The following ANKRD40 variants were observed in gnomAD, a reference collection of about 807,000 sequenced individuals.
The protein encoded by ANKRD40 is ankyrin repeat domain-containing protein 40.
In ANKRD40, 24 loss-of-function variants were observed where a neutral mutation model predicts 35.5. The observed-to-expected ratio is 0.68, with a 90% CI of 0.49 to 0.95. The LOEUF is 0.95. Among genes scored for constraint, ANKRD40 ranks in the 40% least tolerant of loss-of-function variants. The pLI, the probability that ANKRD40 is intolerant of heterozygous loss-of-function variation, is 0.00. For synonymous variants in ANKRD40, 147 were observed against 173.5 expected, an observed-to-expected ratio of 0.85 and a Z score of 1.20; for missense variants, 361 against 436.0, an observed-to-expected ratio of 0.83 and a Z score of 1.53.
chr17:50,703,460 G>C (rs1968292904), intron 1 of ANKRD40, among the ~76,000 whole-genome samples: 1 of 152,202 alleles, frequency 6.6e-6, no homozygotes, highest in Non-Finnish European at 1.5e-5. Flanking sequence ...GGGAATGACA[G>C]AGGTTGGAAA....
At position 50,696,046 on chromosome 17, in the gene ANKRD40, A is replaced by G. The variant is rs1204597270; in HGVS notation, c.1058T>C (p.Leu353Pro). Residue 353 changes from leucine (L) to proline (P), a missense_variant, in exon 5 of 5, where the codon CTG becomes CCG. Leu to Pro is a moderately conservative substitution (Grantham distance 98). Transcript: ENST00000285243. ...NFLFRNAAST[L>P]TERPCYNRRA... is the part of the protein sequence containing the mutation. ...CCTGTTATAGCAAGGCCTTTCAGTC[A>G]GTGTGGATGCAGCATTTCTGAACAG... is the stretch of plus-strand genomic sequence containing the variant. The G allele has an allele frequency of 1.2e-6, 2 of 1,614,258 alleles. No individual in the cohort carries two copies.
At position 50,695,973 on chromosome 17, in the gene ANKRD40, T is replaced by C. The variant is rs1397820055; in HGVS notation, c.*24A>G. The C allele has an allele frequency of 6.2e-7, 1 of 1,613,398 alleles. No homozygotes were observed. The highest frequency in any genetic ancestry group is 1.7e-5 in the Admixed American group (1 of 59,944). ...GAGGTGATGCACACTGTCATAATAC[T>C]CAGTGATAAAAGTCCCTGCTGCATT... On this transcript the variant is annotated 3_prime_UTR_variant, in exon 5 of 5. Transcript: ENST00000285243.
chr17:50,700,446 A>G (rs117765383), intron 2 of ANKRD40, 122 bp downstream of exon 2: 125,280 of 576,068 alleles, frequency 0.22, 7,190 homozygotes, highest in Non-Finnish European at 0.23. Context: ...TCCGTCTCGG[A>G]AAAAAAAAAA....
rs1329622704 is a variant in ANKRD40, at chr17:50,707,266, AAGGGGGT to A, written c.134+248_134+254del. 6.6e-6 allele frequency among the ~76,000 whole-genome samples: 1 copy of A among 151,912 alleles called. No homozygotes were observed. The highest frequency in any genetic ancestry group is 1.5e-5 in the Non-Finnish European group (1 of 67,950). On this transcript the variant is annotated intron_variant, in intron 1 of 4. Transcript: ENST00000285243. This position sits in a 1 kb window ranked among gnomAD's most constrained non-coding sequence, Gnocchi z 4.8. ...ACCAAGTGAGCCGGGAGCGCGGGGG[AAGGGGGT>A]AGGGCACCAGAGTCCCAGTGGGCGC...
intron 1 of ANKRD40, among the ~76,000 whole-genome samples, chr17:50,701,642 G>A (rs1167131976): frequency 1.3e-5 from 2 of 152,176 alleles, no homozygotes; most frequent in African/African-American, 2.4e-5. Context: ...TGTATATTAT[G>A]GAAGGAAAAT....
At position 50,695,866 on chromosome 17, in the gene ANKRD40, A is replaced by G; in HGVS notation, c.*131T>C. ...AGGGGCTTCCTACCTTGGCAGAATG[A>G]TGTTAGTATATACTATGCAGTGGCA... is the stretch of plus-strand genomic sequence containing the variant. On this transcript the variant is annotated 3_prime_UTR_variant, in exon 5 of 5. Transcript: ENST00000285243. 2 of 1,075,890 alleles carry G rather than the reference A, an allele frequency of 1.9e-6. No homozygotes were observed. The highest frequency in any genetic ancestry group is 2.6e-6 in the Non-Finnish European group (2 of 764,380). The allele number at this position is 1,075,890 out of a possible 1,614,324, so 66.6% of individuals were successfully genotyped here.
chr17:50,696,077 T>C lies in ANKRD40; in HGVS notation c.1027A>G (p.Asn343Asp). Residue 343 changes from asparagine (N) to aspartate (D), a missense_variant, in exon 5 of 5, where the codon AAT becomes GAT. By Grantham distance (23) the Asn-to-Asp change is conservative. This residue lies in a region of ANKRD40 where 93 missense variants were observed against 129.6 expected (regional missense o/e 0.72). Coordinates refer to ENST00000285243, the MANE Select transcript of ANKRD40 (RefSeq NM_052855.4). ...LELVLMISENNFLFRNAASTL... is the reference protein window; with the variant it reads ...LELVLMISENDFLFRNAASTL... ...GATGCAGCATTTCTGAACAGAAAAT[T>C]ATTTTCACTTATCATCAGAACCAGT... The C allele has an allele frequency of 6.2e-7, 1 of 1,614,178 alleles. No homozygotes were observed. The highest frequency in any genetic ancestry group is 1.1e-5 in the South Asian group (1 of 91,082).
chr17:50,698,527 T>C (rs1380544175), intron 3 of ANKRD40, among the ~76,000 whole-genome samples: 1 of 152,082 alleles, frequency 6.6e-6, no homozygotes, highest in African/African-American at 2.4e-5. Flanking sequence ...GCCTGGACTC[T>C]TCAAAAAGAT....
rs1413763605 is a variant in ANKRD40 at position 50,693,847 on chromosome 17, G to A, written c.*2150C>T. On this transcript the variant is annotated 3_prime_UTR_variant, in exon 5 of 5. Coordinates refer to ENST00000285243, the MANE Select transcript of ANKRD40 (RefSeq NM_052855.4). ...TTCCGATTGGTTGAAACACAAGGGA[G>A]GGGCTGGGCCGGGTGGCTCACACCT... 1 of 152,118 alleles carries A rather than the reference G, an allele frequency of 6.6e-6. No homozygotes were observed. The highest frequency in any genetic ancestry group is 2.4e-5 in the African/African-American group (1 of 41,402). The allele number at this position is 152,118 out of a possible 1,614,324, so 9.4% of individuals were successfully genotyped here.
intron 3 of ANKRD40, among the ~76,000 whole-genome samples, chr17:50,698,593 G>T (rs947843102): frequency 6.6e-6 from 1 of 152,134 alleles, no homozygotes; most frequent in Non-Finnish European, 1.5e-5. Flanking sequence ...CTAAAACAAC[G>T]TGATAACTAC....
intron 1 of ANKRD40, among the ~76,000 whole-genome samples, chr17:50,703,381 A>G (rs1329883321): frequency 6.6e-6 from 1 of 152,206 alleles, no homozygotes; most frequent in Non-Finnish European, 1.5e-5. Context: ...GCAAATAAAT[A>G]AGCAAAGCAC....
intron 3 of ANKRD40, among the ~76,000 whole-genome samples, chr17:50,698,206 G>A (rs929589011): frequency 6.6e-6 from 1 of 151,760 alleles, no homozygotes; most frequent in African/African-American, 2.4e-5. Context: ...TCCAGGGTTG[G>A]GGCAGGAAAA....
Position 50,699,439 on chromosome 17 carries a change from C to T in ANKRD40, c.738G>A (p.Gln246=), listed in dbSNP as rs760520042. 3.7e-6 allele frequency: 6 copies of T among 1,613,998 alleles called. No individual in the cohort carries two copies. The highest frequency in any genetic ancestry group is 4.2e-6 in the Non-Finnish European group (5 of 1,180,008). The change falls in exon 3 of 5, where the codon CAG becomes CAA. Residue 246 remains glutamine, a synonymous_variant. Coordinates refer to ENST00000285243, the MANE Select transcript of ANKRD40 (RefSeq NM_052855.4). The part of the protein sequence containing the change: ...GTYAGPAPAF[Q]PFFFTGAFPF... ...GAAATGCTCCAGTGAAGAAAAATGG[C>T]TGGAATGCTGGCGCTGGTCCTGCAT... is the stretch of plus-strand genomic sequence containing the variant.
Position 50,707,526 on chromosome 17 carries a change from G to C in ANKRD40, c.129C>G (p.Asn43Lys), listed in dbSNP as rs1379961595. Residue 43 changes from asparagine to lysine, a missense_variant, in exon 1 of 5, where the codon AAC (asparagine) becomes AAG (lysine). Asn to Lys is a moderately conservative substitution (Grantham distance 94). This residue lies in a region of ANKRD40 where 35 missense variants were observed against 68.4 expected (regional missense o/e 0.51). Coordinates refer to ENST00000285243, the MANE Select transcript of ANKRD40 (RefSeq NM_052855.4). This position sits in a 1 kb window ranked among gnomAD's most constrained non-coding sequence, Gnocchi z 4.8. The stretch of plus-strand genomic sequence containing the variant: ...CTCCCCCGCTCCCCACTTACCAGCC[G>C]TTGACCTCATTTTGGGAGTTCACAT... ...GVDVNSQNEV[N>K]GWTCLHWACK... 1 of 1,606,384 alleles carries C rather than the reference G, an allele frequency of 6.2e-7. No homozygotes were observed. Among genetic ancestry groups the C allele is most frequent in the Admixed American group, 1.7e-5 (1 of 59,642 alleles).
At position 50,693,957 on chromosome 17, in the gene ANKRD40, C is replaced by T. The variant is rs1968162730; in HGVS notation, c.*2040G>A. 6.6e-6 allele frequency: 1 copy of T among 151,738 alleles called. No individual in the cohort carries two copies. Among genetic ancestry groups the T allele is most frequent in the South Asian group, 2.1e-4 (1 of 4,816 alleles). The allele number at this position is 151,738 out of a possible 1,614,324, so 9.4% of individuals were successfully genotyped here. A position where few individuals can be genotyped will look rare whatever the true frequency, so the allele number is the denominator to read the frequency against. ...ACCAGCCTGGCCAACATGGTGAAAC[C>T]TTGTCTCTACTAAAATACAGAAATT... On this transcript the variant is annotated 3_prime_UTR_variant, in exon 5 of 5. Transcript: ENST00000285243.
intron 2 of ANKRD40, 186 bp downstream of exon 2, chr17:50,700,382 G>A (rs964451778): frequency 3.0e-5 from 16 of 531,462 alleles, no homozygotes; most frequent in Non-Finnish European, 5.1e-5. Context: ...GGCAGAGGTT[G>A]TGGTGAGCCG....
In ANKRD40 at chr17:50,694,899, G is replaced by C. The variant is rs1968178526; in HGVS notation, c.*1098C>G. ...TTATTTTTGATACAAAAATAAAGATGCTAACTCCTTTAGCTCAGTTTCCCA... is the reference window on the plus strand; with the variant it reads ...TTATTTTTGATACAAAAATAAAGATCCTAACTCCTTTAGCTCAGTTTCCCA... On this transcript the variant is annotated 3_prime_UTR_variant, in exon 5 of 5. Transcript: ENST00000285243. 6.6e-6 allele frequency: 1 copy of C among 152,152 alleles called. No homozygotes were observed. The allele number at this position is 152,152 out of a possible 1,614,324, so 9.4% of individuals were successfully genotyped here. A position where few individuals can be genotyped will look rare whatever the true frequency, so the allele number is the denominator to read the frequency against.
chr17:50,704,200 T>C (rs1487881295), intron 1 of ANKRD40, among the ~76,000 whole-genome samples: 1 of 152,000 alleles, frequency 6.6e-6, no homozygotes, highest in Non-Finnish European at 1.5e-5. Flanking sequence ...TTGAGGGGCC[T>C]ATTAGACAGT....
chr17:50,704,236 C>T (rs534227453), intron 1 of ANKRD40, among the ~76,000 whole-genome samples: 5 of 152,148 alleles, frequency 3.3e-5, no homozygotes, highest in Admixed American at 6.5e-5. Context: ...TACAAGAGGC[C>T]GGGCGCGGTG....
Sources: gnomAD v4.1 joint callset for allele counts (sites outside exome capture counted in the v4.1 genomes callset) on GRCh38, gnomAD v4.1.1 for gene constraint, gnomAD v4.1.1 regional missense constraint, Gnocchi (gnomAD v3.1) non-coding constraint, MANE v1.5 for transcripts, NCBI Gene and HGNC (gene_info 2026-07-23, HGNC 2026-07-21) for gene names.